CSMD1: variants seen among roughly 807,000 people sequenced by gnomAD.
The protein encoded by CSMD1 is CUB and sushi domain-containing protein 1.
In CSMD1, 213 loss-of-function variants were observed where a neutral mutation model predicts 417.5. The ratio of observed to expected loss-of-function variants is 0.51; its 90% confidence interval spans 0.46 to 0.57. The LOEUF (loss-of-function observed/expected upper bound fraction) is 0.57, where lower values mean the gene tolerates loss of function less well. Among genes scored for constraint, CSMD1 ranks in the 20% least tolerant of loss-of-function variants. The pLI, the probability that CSMD1 is intolerant of heterozygous loss-of-function variation, is 0.00. For synonymous variants in CSMD1, 2,862 were observed against 1,736.8 expected (o/e 1.65, Z -16.11); for missense variants, 6,923 against 4,529.7 (o/e 1.53, Z -15.17).
intron 3 of CSMD1, among the ~76,000 whole-genome samples, chr8:4,394,606 G>A (rs1262937111): frequency 6.6e-6 from 1 of 152,234 alleles, no homozygotes; most frequent in African/African-American, 2.4e-5. Flanking sequence ...CTGCAGGAAG[G>A]TGAGATGTTG....
intron 42 of CSMD1, among the ~76,000 whole-genome samples, chr8:3,114,078 C>CAAAA (rs971815979): frequency 5.3e-5 from 8 of 151,608 alleles, no homozygotes; most frequent in Non-Finnish European, 1.2e-4. Context: ...AACAAACAAA[C>CAAAA]AAACAAAAAA....
intron 1 of CSMD1, among the ~76,000 whole-genome samples, chr8:4,713,593 G>A (rs1295418332): frequency 1.3e-5 from 2 of 151,998 alleles, no homozygotes; most frequent in Non-Finnish European, 2.9e-5. Context: ...TAGAGACGGG[G>A]TTTCACCATA....
chr8:4,098,323 C>T (rs566295331), intron 3 of CSMD1, among the ~76,000 whole-genome samples: 31 of 152,224 alleles, frequency 2.0e-4, no homozygotes, highest in Non-Finnish European at 3.5e-4. Flanking sequence ...AAGTATCACA[C>T]TGAGAATAAA....
chr8:3,767,775 C>G (rs1798361479), intron 5 of CSMD1, among the ~76,000 whole-genome samples: 1 of 152,122 alleles, frequency 6.6e-6, no homozygotes, highest in Non-Finnish European at 1.5e-5. Flanking sequence ...ACTCAGAGAA[C>G]AGTGCTCTCA....
At chr8:3,615,304 G>A (rs1046307062) in intron 8 of CSMD1, among the ~76,000 whole-genome samples, 1 of 152,092 alleles carries the variant, frequency 6.6e-6, no homozygotes, top group African/African-American at 2.4e-5. Context: ...ACTCGCCATG[G>A]AAACAGACTG....
At chr8:3,500,848 T>C (rs1470432111) in intron 10 of CSMD1, among the ~76,000 whole-genome samples, 1 of 152,122 alleles carries the variant, frequency 6.6e-6, no homozygotes, top group Non-Finnish European at 1.5e-5. Context: ...GAGTAAGTGG[T>C]TCTGCAGATC....
At position 4,317,029 on chromosome 8, in the gene CSMD1, C is replaced by T. The variant is rs1488585637; in HGVS notation, c.415+102924G>A. Among the ~76,000 whole-genome samples the T allele has an allele frequency of 2.0e-5, 3 of 152,124 alleles. 1 individual carries two copies. Among genetic ancestry groups the T allele is most frequent in the Admixed American group, 1.3e-4 (2 of 15,258 alleles). On this transcript the variant is annotated intron_variant, in intron 3 of 69. Transcript: ENST00000635120. ...TACACTGTTGGGGCAAAAAACTACA[C>T]TTGTAAACGGCACTGAAAACATACA... is the stretch of plus-strand genomic sequence containing the variant.
chr8:4,963,334 G>C (rs193184340), intron 1 of CSMD1, among the ~76,000 whole-genome samples: 1 of 152,016 alleles, frequency 6.6e-6, no homozygotes, highest in Non-Finnish European at 1.5e-5. Flanking sequence ...TGAGTAGCTG[G>C]GATTACAGTC....
chr8:4,650,302 G>A (rs1288544404), intron 1 of CSMD1, among the ~76,000 whole-genome samples: 4 of 142,036 alleles, frequency 2.8e-5, no homozygotes, highest in South Asian at 2.2e-4. Context: ...CCTAGATGGT[G>A]CCACTGCACT....
At chr8:3,320,679 T>C (rs1421462634) in intron 23 of CSMD1, among the ~76,000 whole-genome samples, 2 of 152,164 alleles carry the variant, frequency 1.3e-5, no homozygotes, top group African/African-American at 4.8e-5. Flanking sequence ...GTTCCTCCTT[T>C]TCCATATCTC....
chr8:4,554,567 G>T (rs1335764020), intron 2 of CSMD1, among the ~76,000 whole-genome samples: 39 of 152,312 alleles, frequency 2.6e-4, no homozygotes, highest in Non-Finnish European at 5.4e-4. Context: ...GAAGTTAAGA[G>T]CGAAGCTGTA....
chr8:4,126,119 T>G (rs1176242995), intron 3 of CSMD1, among the ~76,000 whole-genome samples: 4 of 151,980 alleles, frequency 2.6e-5, no homozygotes, highest in Non-Finnish European at 5.9e-5. Flanking sequence ...TGACCCCCTG[T>G]GATTTCATCT....
chr8:2,976,909 A>T (rs1804976404), intron 55 of CSMD1, among the ~76,000 whole-genome samples: 1 of 152,118 alleles, frequency 6.6e-6, no homozygotes, highest in Non-Finnish European at 1.5e-5. Context: ...ATACACTGAC[A>T]ATAAAGCTGT....
chr8:4,584,534 G>C (rs1052407555), intron 2 of CSMD1, among the ~76,000 whole-genome samples: 16 of 152,144 alleles, frequency 1.1e-4, no homozygotes, highest in African/African-American at 3.9e-4. Context: ...TTCGGAGTTG[G>C]GACCGTTGGT....
At chr8:3,858,975 C>G (rs1202556693) in intron 5 of CSMD1, among the ~76,000 whole-genome samples, 2 of 152,166 alleles carry the variant, frequency 1.3e-5, no homozygotes, top group Non-Finnish European at 2.9e-5. Flanking sequence ...ATAACGACAT[C>G]AATCCCTTCT....
At chr8:4,056,632 C>G (rs1053605072) in intron 3 of CSMD1, among the ~76,000 whole-genome samples, 1 of 151,620 alleles carries the variant, frequency 6.6e-6, no homozygotes, top group African/African-American at 2.4e-5. Context: ...GGTCCTGCAC[C>G]CATTAACTCA....
At chr8:4,486,162 C>CATATATATATATATACATACATACAT (rs202146584) in intron 2 of CSMD1, among the ~76,000 whole-genome samples, 1 of 48,694 alleles carries the variant, frequency 2.1e-5, no homozygotes, top group African/African-American at 5.4e-5. Flanking sequence ...TATATACATA[C>CATATATATATATATACATACATACAT]ATATATATAT....
chr8:3,826,568 G>A (rs987903479), intron 5 of CSMD1, among the ~76,000 whole-genome samples: 1 of 152,032 alleles, frequency 6.6e-6, no homozygotes, highest in Admixed American at 6.6e-5. Context: ...CCTCTCTCTG[G>A]GTTGAGATTA....
chr8:3,731,233 C>T (rs544945715), intron 6 of CSMD1, among the ~76,000 whole-genome samples: 1 of 152,316 alleles, frequency 6.6e-6, no homozygotes, highest in African/African-American at 2.4e-5. Flanking sequence ...TCCTCCTTCC[C>T]CCAGCAAACA....
Sources: allele counts gnomAD v4.1 joint callset (sites outside exome capture counted in the v4.1 genomes callset), GRCh38; gene constraint gnomAD v4.1.1; transcripts MANE v1.5; gene names NCBI Gene and HGNC (gene_info 2026-07-23, HGNC 2026-07-21).